PRTG: variants seen among roughly 807,000 people sequenced by gnomAD.
PRTG encodes the protein immunoglobulin superfamily, DCC subclass, member 5.
Under a neutral mutation model 122.5 loss-of-function variants are expected in PRTG, and 67 were observed. That is an observed-to-expected ratio of 0.55 (90% CI 0.45 to 0.67). PRTG has a LOEUF of 0.67. Among genes scored for constraint, PRTG ranks in the 30% least tolerant of loss-of-function variants. The pLI, the probability that PRTG is intolerant of heterozygous loss-of-function variation, is 0.00. For synonymous variants in PRTG, 554 were observed against 501.1 expected (o/e 1.11, Z -1.41); for missense variants, 1,435 against 1,415.4 (o/e 1.01, Z -0.22).
intron 2 of PRTG, chr15:55,738,757 G>T: frequency 4.3e-6 from 1 of 230,240 alleles, no homozygotes; most frequent in East Asian, 8.4e-5. Context: ...CAGAGGGAGG[G>T]AAGAGACAGG....
intron 2 of PRTG, among the ~76,000 whole-genome samples, chr15:55,697,780 G>T (rs892137333): frequency 6.6e-6 from 1 of 152,138 alleles, no homozygotes; most frequent in South Asian, 2.1e-4. Flanking sequence ...GTGAGCCACC[G>T]CGCCCAGCCT....
chr15:55,677,396 A>G (rs1336890671), intron 8 of PRTG, among the ~76,000 whole-genome samples: 1 of 152,142 alleles, frequency 6.6e-6, no homozygotes, highest in Non-Finnish European at 1.5e-5. Context: ...AAAATAATAA[A>G]TATACATAGT....
chr15:55,678,054 G>GA lies in PRTG; in HGVS notation c.1134-11dup, dbSNP rs759536800. On this transcript the variant is annotated splice_polypyrimidine_tract_variant and intron_variant, in intron 7 of 19. Coordinates refer to ENST00000389286, the MANE Select transcript of PRTG (RefSeq NM_173814.6). Reference sequence around the variant, plus strand: ...GTTAATTACCAATTTACTAGGGAAAGAAAAAAAATTATTTCCATGAAAAAT... The same window carrying GA: ...GTTAATTACCAATTTACTAGGGAAAGAAAAAAAAATTATTTCCATGAAAAAT... 26 of 1,504,136 alleles carry GA rather than the reference G, an allele frequency of 1.7e-5. No individual in the cohort carries two copies. Among genetic ancestry groups the GA allele is most frequent in the Non-Finnish European group, 1.6e-5 (18 of 1,102,962 alleles). The allele number at this position is 1,504,136 out of a possible 1,614,324, so 93.2% of individuals were successfully genotyped here. A position where few individuals can be genotyped will look rare whatever the true frequency, so the allele number is the denominator to read the frequency against.
intron 2 of PRTG, among the ~76,000 whole-genome samples, chr15:55,714,542 C>A (rs1340622361): frequency 1.3e-5 from 2 of 151,884 alleles, no homozygotes; most frequent in Non-Finnish European, 2.9e-5. Flanking sequence ...CCTTATCCCC[C>A]CCTTTTTTTT....
Position 55,612,661 on chromosome 15 carries a change from G to A in PRTG, c.*7351C>T, listed in dbSNP as rs2059125190. 7.3e-6 allele frequency: 1 copy of A among 136,338 alleles called. No individual in the cohort carries two copies. Among genetic ancestry groups the A allele is most frequent in the African/African-American group, 2.9e-5 (1 of 34,578 alleles). 8.4% of individuals were successfully genotyped at this position (136,338 alleles called of 1,614,324 possible). A position where few individuals can be genotyped will look rare whatever the true frequency, so the allele number is the denominator to read the frequency against. Reference sequence around the variant, plus strand: ...TTCTCCTCACCCATCTATCCTGCTGGACAGATCTGATTCTCTCTTTAACTC... The same window carrying A: ...TTCTCCTCACCCATCTATCCTGCTGAACAGATCTGATTCTCTCTTTAACTC... On this transcript the variant is annotated 3_prime_UTR_variant, in exon 20 of 20. Transcript: ENST00000389286.
intron 2 of PRTG, among the ~76,000 whole-genome samples, chr15:55,731,572 T>C (rs1289530280): frequency 1.3e-5 from 2 of 151,656 alleles, no homozygotes; most frequent in Non-Finnish European, 2.9e-5. Flanking sequence ...GGTTTCACCA[T>C]GTCGGTCAGG....
intron 2 of PRTG, among the ~76,000 whole-genome samples, chr15:55,728,064 C>T (rs1366549600): frequency 6.6e-6 from 1 of 152,060 alleles, no homozygotes; most frequent in Non-Finnish European, 1.5e-5. Flanking sequence ...CGGGGTCTCA[C>T]CATGTTGCCC....
intron 2 of PRTG, chr15:55,703,021 T>G (rs1455536637): frequency 1.4e-6 from 1 of 701,068 alleles, no homozygotes; most frequent in Admixed American, 6.3e-5. Context: ...TAGGCCAGAC[T>G]TGAAATTATT....
intron 2 of PRTG, among the ~76,000 whole-genome samples, chr15:55,692,835 CTTTTTTTTTTTTTTT>C (rs774248341): frequency 2.8e-4 from 21 of 74,978 alleles, no homozygotes; most frequent in African/African-American, 9.4e-4. Flanking sequence ...AATGCAATCT[CTTTTTTTTTTTTTTT>C]TTTTTTTTGA....
intron 2 of PRTG, among the ~76,000 whole-genome samples, chr15:55,722,848 T>C (rs2030879326): frequency 6.6e-6 from 1 of 152,058 alleles, no homozygotes; most frequent in Non-Finnish European, 1.5e-5. Context: ...AATATAGGAA[T>C]TAAGAGCCTC....
intron 2 of PRTG, among the ~76,000 whole-genome samples, chr15:55,738,019 T>TACACACACAC (rs1555438599): frequency 8.7e-6 from 1 of 114,856 alleles, no homozygotes; most frequent in African/African-American, 3.4e-5. Context: ...TATATATATA[T>TACACACACAC]ATATATACAC....
intron 11 of PRTG, among the ~76,000 whole-genome samples, chr15:55,653,474 T>A (rs1178286032): frequency 6.6e-6 from 1 of 152,140 alleles, no homozygotes; most frequent in Non-Finnish European, 1.5e-5. Context: ...TTTTTTTTTT[T>A]TTTCTGAGAT....
intron 13 of PRTG, among the ~76,000 whole-genome samples, chr15:55,639,110 T>C (rs979381282): frequency 1.3e-5 from 2 of 152,182 alleles, no homozygotes; most frequent in Non-Finnish European, 2.9e-5. Flanking sequence ...TAGCCAGGAC[T>C]ACAGGCATGC....
At chr15:55,645,143 A>C (rs765230768) in intron 11 of PRTG, among the ~76,000 whole-genome samples, 33 of 152,254 alleles carry the variant, frequency 2.2e-4, no homozygotes, top group Middle Eastern at 3.4e-3. Flanking sequence ...TGTAAATTTA[A>C]GAGTGGAAGG....
intron 2 of PRTG, among the ~76,000 whole-genome samples, chr15:55,732,195 T>C (rs1361513249): frequency 6.6e-6 from 1 of 152,188 alleles, no homozygotes. Flanking sequence ...GATTTGTTTG[T>C]TTTTGTTTTT....
In PRTG at chr15:55,679,321, C is replaced by G. The variant is rs750953789; in HGVS notation, c.1098G>C (p.Lys366Asn). The part of the protein sequence containing the change: ...PKMSWLKNGR[K>N]IHSNGRIKMY... Reference sequence around the variant, plus strand: ...TTTTAATTCTACCATTCGAATGTATCTTCCTTCCATTTTTCAACCATGACA... The same window carrying G: ...TTTTAATTCTACCATTCGAATGTATGTTCCTTCCATTTTTCAACCATGACA... The change falls in exon 7 of 20, where the codon AAG (lysine) becomes AAC (asparagine). Residue 366 changes from lysine to asparagine, a missense_variant. Lys to Asn is a moderately conservative substitution (Grantham distance 94, BLOSUM62 0). Transcript: ENST00000389286. The G allele has an allele frequency of 4.3e-6, 7 of 1,612,922 alleles. No homozygotes were observed. In the African/African-American group the frequency reaches 9.3e-5, roughly 22 times the overall value.
chr15:55,645,867 G>A (rs1341104380), intron 11 of PRTG, among the ~76,000 whole-genome samples: 1 of 152,122 alleles, frequency 6.6e-6, no homozygotes, highest in East Asian at 1.9e-4. Flanking sequence ...AGCAGAGTTA[G>A]AAAGAACAGC....
At chr15:55,657,289 G>A (rs2059385687) in intron 11 of PRTG, among the ~76,000 whole-genome samples, 1 of 152,124 alleles carries the variant, frequency 6.6e-6, no homozygotes, top group Admixed American at 6.5e-5. Context: ...CCATTGCCAT[G>A]ATTTTTCTTC....
Position 55,673,101 on chromosome 15 carries a change from A to G in PRTG, c.1852+270T>C, listed in dbSNP as rs2059482064. Among the ~76,000 whole-genome samples, 3 of 152,204 alleles carry G rather than the reference A, an allele frequency of 2.0e-5. 1 individual carries two copies. Among genetic ancestry groups the G allele is most frequent in the Admixed American group, 2.0e-4 (3 of 15,280 alleles). ...TTAATTAGGCCTCTATGAATATCTT[A>G]CTTTGGAAACTCAGTTTGATTTGGA... On this transcript the variant is annotated intron_variant, in intron 10 of 19. Transcript: ENST00000389286.
Sources: gnomAD v4.1 joint callset for allele counts (sites outside exome capture counted in the v4.1 genomes callset) on GRCh38, gnomAD v4.1.1 for gene constraint, MANE v1.5 for transcripts, NCBI Gene and HGNC (gene_info 2026-07-23, HGNC 2026-07-21) for gene names.